THSD7B: variants seen among roughly 807,000 people sequenced by gnomAD.
THSD7B encodes the protein thrombospondin type-1 domain-containing protein 7B.
A neutral mutation model predicts 213.6 loss-of-function variants in THSD7B; 138 were observed. That is an observed-to-expected ratio of 0.65 (90% CI 0.56 to 0.74). The LOEUF (loss-of-function observed/expected upper bound fraction) is 0.74, where lower values mean the gene tolerates loss of function less well. THSD7B is among the 30% of genes least tolerant of loss of function. The pLI, the probability that THSD7B is intolerant of heterozygous loss-of-function variation, is 0.00. For synonymous variants in THSD7B, 742 were observed against 687.0 expected (o/e 1.08, Z -1.25); for missense variants, 1,931 against 1,991.5 (o/e 0.97, Z 0.58).
intron 12 of THSD7B, among the ~76,000 whole-genome samples, chr2:137,301,596 A>G (rs938423436): frequency 6.6e-6 from 1 of 151,660 alleles, no homozygotes; most frequent in Non-Finnish European, 1.5e-5. Context: ...ATGTTAATAT[A>G]TTTTATTTAA....
chr2:137,318,764 A>G (rs1324160379), intron 12 of THSD7B, among the ~76,000 whole-genome samples: 1 of 145,658 alleles, frequency 6.9e-6, no homozygotes, highest in Non-Finnish European at 1.5e-5. Context: ...AGCTTTTCCA[A>G]CTCTAAAATA....
chr2:137,056,307 A>T, intron 2 of THSD7B, 113 bp from the exon 3 acceptor site: 1 of 1,113,196 alleles, frequency 9.0e-7, no homozygotes, highest in Admixed American at 2.8e-5. Context: ...TTCCACCAAA[A>T]TTCCTAATTT....
chr2:136,771,241 A>G (rs1169567481), intron 1 of THSD7B, among the ~76,000 whole-genome samples: 2 of 152,146 alleles, frequency 1.3e-5, no homozygotes, highest in Non-Finnish European at 2.9e-5. Flanking sequence ...GACTTGACCC[A>G]TTCTATGAAC....
chr2:137,417,008 T>C (rs1212315834), intron 14 of THSD7B, among the ~76,000 whole-genome samples: 1 of 152,238 alleles, frequency 6.6e-6, no homozygotes, highest in African/African-American at 2.4e-5. Context: ...AAATCATAAT[T>C]GATTTGTAGG....
chr2:137,323,628 G>A (rs1215367245), intron 12 of THSD7B, among the ~76,000 whole-genome samples: 1 of 152,134 alleles, frequency 6.6e-6, no homozygotes, highest in Non-Finnish European at 1.5e-5. Context: ...TGAGGGAGTG[G>A]GGAGTCTGTT....
chr2:136,946,176 C>T (rs925835358), intron 2 of THSD7B, among the ~76,000 whole-genome samples: 4 of 152,140 alleles, frequency 2.6e-5, no homozygotes, highest in African/African-American at 7.2e-5. Flanking sequence ...GATGTTTATG[C>T]TATTCCTTTC....
chr2:136,972,684 A>G (rs1487938658), intron 2 of THSD7B, among the ~76,000 whole-genome samples: 2 of 152,188 alleles, frequency 1.3e-5, no homozygotes, highest in African/African-American at 2.4e-5. Flanking sequence ...ACTTATAAAC[A>G]TTAAATAAAC....
chr2:137,555,457 C>T (rs568912587), intron 15 of THSD7B, among the ~76,000 whole-genome samples: 1 of 152,318 alleles, frequency 6.6e-6, no homozygotes, highest in Admixed American at 6.5e-5. Flanking sequence ...CTCCAGCAAA[C>T]TCCAACAGAC....
chr2:136,824,398 G>A (rs1682609896), intron 1 of THSD7B, among the ~76,000 whole-genome samples: 1 of 151,744 alleles, frequency 6.6e-6, no homozygotes, highest in South Asian at 2.1e-4. Flanking sequence ...CTGAGATTAA[G>A]GTCTTTTTTT....
intron 25 of THSD7B, among the ~76,000 whole-genome samples, chr2:137,661,417 C>T (rs373882830): frequency 3.3e-5 from 5 of 151,908 alleles, no homozygotes; most frequent in East Asian, 3.9e-4. Context: ...CTTGAGCATG[C>T]GTCTTTGGTG....
intron 12 of THSD7B, among the ~76,000 whole-genome samples, chr2:137,376,102 C>A (rs190806403): frequency 1.3e-5 from 2 of 152,254 alleles, no homozygotes; most frequent in East Asian, 1.9e-4. Flanking sequence ...TATCTTGAAT[C>A]TTTGCAGTTG....
chr2:136,807,033 C>T (rs915544852), intron 1 of THSD7B, among the ~76,000 whole-genome samples: 4 of 152,140 alleles, frequency 2.6e-5, no homozygotes, highest in Non-Finnish European at 5.9e-5. Flanking sequence ...ATATCAAGGG[C>T]GTTTATTGTC....
chr2:137,343,774 C>T (rs1684812482), intron 12 of THSD7B, among the ~76,000 whole-genome samples: 1 of 151,818 alleles, frequency 6.6e-6, no homozygotes, highest in African/African-American at 2.4e-5. Flanking sequence ...AGGCTGAGAA[C>T]ATGCTACAGT....
chr2:137,466,394 C>A (rs1317034319), intron 15 of THSD7B, among the ~76,000 whole-genome samples: 1 of 152,172 alleles, frequency 6.6e-6, no homozygotes, highest in Non-Finnish European at 1.5e-5. Flanking sequence ...CTGGATCAAG[C>A]TTGTCCAACC....
intron 15 of THSD7B, among the ~76,000 whole-genome samples, chr2:137,530,433 A>G (rs1680375515): frequency 6.6e-6 from 1 of 151,994 alleles, no homozygotes; most frequent in African/African-American, 2.4e-5. Context: ...GTGTCACTGG[A>G]AAACAACTGA....
At chr2:136,842,741 A>G (rs1573664652) in intron 1 of THSD7B, among the ~76,000 whole-genome samples, 2 of 152,306 alleles carry the variant, frequency 1.3e-5, no homozygotes, top group East Asian at 3.9e-4. Context: ...TGGGAATTCA[A>G]CCTTAGGTTG....
At chr2:137,620,873 C>T in intron 20 of THSD7B, 147 bp downstream of exon 20, 1 of 636,896 alleles carries the variant, frequency 1.6e-6, no homozygotes, top group Non-Finnish European at 2.7e-6. Flanking sequence ...CAGAGCCTGG[C>T]CTCATATCAG....
intron 15 of THSD7B, among the ~76,000 whole-genome samples, chr2:137,451,390 A>C (rs927223644): frequency 2.0e-5 from 3 of 151,782 alleles, no homozygotes; most frequent in Non-Finnish European, 2.9e-5. Flanking sequence ...ATGTTGGGAG[A>C]GTATCACTTA....
chr2:137,628,633 A>G (rs1227631364), intron 20 of THSD7B, among the ~76,000 whole-genome samples: 1 of 152,198 alleles, frequency 6.6e-6, no homozygotes. Flanking sequence ...TGGATATCCC[A>G]CTGCCATAAG....
Sources: allele counts gnomAD v4.1 joint callset (sites outside exome capture counted in the v4.1 genomes callset), GRCh38; gene constraint gnomAD v4.1.1; transcripts MANE v1.5; gene names NCBI Gene and HGNC (gene_info 2026-07-23, HGNC 2026-07-21).